SLC39A13: variants seen among roughly 807,000 people sequenced by gnomAD.
The protein encoded by SLC39A13 is solute carrier family 39 member 13.
A neutral mutation model predicts 38.7 loss-of-function variants in SLC39A13; 18 were observed. The observed-to-expected ratio is 0.47, with a 90% confidence interval of 0.32 to 0.69. The LOEUF (loss-of-function observed/expected upper bound fraction) is 0.69. SLC39A13 is among the 30% of genes least tolerant of loss of function. The pLI is 0.03. For synonymous variants in SLC39A13, 212 were observed against 219.1 expected, an observed-to-expected ratio of 0.97 and a Z score of 0.29; for missense variants, 395 against 490.7, an observed-to-expected ratio of 0.80 and a Z score of 1.84.
rs978718912 is a variant in SLC39A13 at position 47,415,801 on chromosome 11, C to T, written c.*438C>T. The T allele has an allele frequency of 5.7e-5, 16 of 279,944 alleles. No homozygotes were observed. Among genetic ancestry groups the T allele is most frequent in the Admixed American group, 1.9e-4 (4 of 21,084 alleles). The allele number at this position is 279,944 out of a possible 1,614,324, so 17.3% of individuals were successfully genotyped here. ...TGCCCCCTCAGCACACACACAGTCC[C>T]CAGGCGGCCTAGGGGCCAAGGCTGG... On this transcript the variant is annotated 3_prime_UTR_variant, in exon 10 of 10. Transcript: ENST00000362021.
chr11:47,412,663 A>T (rs996130017), intron 4 of SLC39A13, among the ~76,000 whole-genome samples, 196 bp downstream of exon 4: 2 of 119,658 alleles, frequency 1.7e-5, no homozygotes, highest in African/African-American at 5.5e-5. Context: ...TGGTAGCCTG[A>T]TGGTGACAGC....
At position 47,414,728 on chromosome 11, in the gene SLC39A13, G is replaced by A. The variant is rs371503640; in HGVS notation, c.787-49G>A. On this transcript the variant is annotated intron_variant, in intron 7 of 9. Coordinates refer to ENST00000362021, the MANE Select transcript of SLC39A13 (RefSeq NM_001128225.3). ...TGTATATCGTACCTGAGCACTCAGG[G>A]CATCAGGCCCCGCTGGGGCGCAGGG... is the stretch of plus-strand genomic sequence containing the variant. 5.1e-5 allele frequency: 81 copies of A among 1,600,326 alleles called. No homozygotes were observed. The East Asian group carries it at 6.9e-4, about 14-fold the overall frequency.
rs1595887884 is a variant in SLC39A13 at position 47,415,508 on chromosome 11, T to A, written c.*145T>A. ...CAGACAGGAGGGAGGTGCGTGTGGA[T>A]GTATGTGGTGTGCACATGTGGCCAG... On this transcript the variant is annotated 3_prime_UTR_variant, in exon 10 of 10. Transcript: ENST00000362021. 1 of 886,658 alleles carries A rather than the reference T, an allele frequency of 1.1e-6. No homozygotes were observed. Among genetic ancestry groups the A allele is most frequent in the East Asian group, 2.6e-5 (1 of 39,136 alleles). 54.9% of individuals were successfully genotyped at this position (886,658 alleles called of 1,614,324 possible).
rs527684138 is a variant in SLC39A13, at chr11:47,414,899, C to T, written c.909C>T (p.Pro303=). 1 of 1,612,380 alleles carries T rather than the reference C, an allele frequency of 6.2e-7. No homozygotes were observed. The highest frequency in any genetic ancestry group is 1.1e-5 in the South Asian group (1 of 91,024). The change falls in exon 8 of 10, where the codon CCC becomes CCT. Residue 303 remains proline (P), a synonymous_variant. Transcript: ENST00000362021. The part of the protein sequence containing the change: ...GAGFAICTQS[P]KGVVGCSPAA... Reference sequence around the variant, plus strand: ...GCTTCGCCATCTGTACCCAGTCCCCCAAGGGAGTAGGTACGGGCGTGGCGG... The same window carrying T: ...GCTTCGCCATCTGTACCCAGTCCCCTAAGGGAGTAGGTACGGGCGTGGCGG...
In SLC39A13 at chr11:47,413,484, G is replaced by C. The variant is rs761253014; in HGVS notation, c.622G>C (p.Gly208Arg). 1 of 1,614,056 alleles carries C rather than the reference G, an allele frequency of 6.2e-7. No homozygotes were observed. The change falls in exon 5 of 10, where the codon GGT becomes CGT. Residue 208 changes from glycine to arginine, a missense_variant. Physicochemically the swap from Gly to Arg is moderately radical, Grantham distance 125 (BLOSUM62 -2). Transcript: ENST00000362021. Reference sequence around the variant, plus strand: ...CCAGCCGGCTGCAGAGCCCGGCCTCGGTGCCGTGGTCCGGAGCATCAAAGT... The same window carrying C: ...CCAGCCGGCTGCAGAGCCCGGCCTCCGTGCCGTGGTCCGGAGCATCAAAGT... Reference protein sequence around the residue: ...LAQPAAEPGLGAVVRSIKVSG... With the variant: ...LAQPAAEPGLRAVVRSIKVSG...
intron 2 of SLC39A13, among the ~76,000 whole-genome samples, chr11:47,411,663 C>T (rs1257267478): frequency 4.6e-5 from 7 of 152,170 alleles, no homozygotes; most frequent in Admixed American, 2.0e-4. Flanking sequence ...ATGGAGAAAC[C>T]GAGTCTCCAA....
At chr11:47,411,889 CCAGT>C (rs749063097) in intron 2 of SLC39A13, 33 bp from the exon 3 acceptor site, 1 of 1,588,272 alleles carries the variant, frequency 6.3e-7, no homozygotes, top group Non-Finnish European at 8.6e-7. Context: ...GGAGCTCCAG[CCAGT>C]CAGCCCCCAG....
Position 47,415,468 on chromosome 11 carries a change from G to T in SLC39A13, c.*105G>T. 1 of 1,304,602 alleles carries T rather than the reference G, an allele frequency of 7.7e-7. No homozygotes were observed. The highest frequency in any genetic ancestry group is 1.1e-6 in the Non-Finnish European group (1 of 911,248). 80.8% of individuals were successfully genotyped at this position (1,304,602 alleles called of 1,614,324 possible). A position where few individuals can be genotyped will look rare whatever the true frequency, so the allele number is the denominator to read the frequency against. ...AGAGAGGGCGAGTGGCTGCGAGAGA[G>T]AATGAGCCTCCCGCCAGACAGGAGG... is the stretch of plus-strand genomic sequence containing the variant. On this transcript the variant is annotated 3_prime_UTR_variant, in exon 10 of 10. Transcript: ENST00000362021.
In SLC39A13 at chr11:47,415,470, ATGAGCC is replaced by A. The variant is rs2096022719; in HGVS notation, c.*109_*114del. 1.6e-6 allele frequency: 2 copies of A among 1,285,012 alleles called. No individual in the cohort carries two copies. Among genetic ancestry groups the A allele is most frequent in the African/African-American group, 2.9e-5 (2 of 68,656 alleles). The allele number at this position is 1,285,012 out of a possible 1,614,324, so 79.6% of individuals were successfully genotyped here. A position where few individuals can be genotyped will look rare whatever the true frequency, so the allele number is the denominator to read the frequency against. On this transcript the variant is annotated 3_prime_UTR_variant, in exon 10 of 10. Coordinates refer to ENST00000362021, the MANE Select transcript of SLC39A13 (RefSeq NM_001128225.3). ...AGAGGGCGAGTGGCTGCGAGAGAGA[ATGAGCC>A]TCCCGCCAGACAGGAGGGAGGTGCG...
At position 47,415,693 on chromosome 11, in the gene SLC39A13, G is replaced by A; in HGVS notation, c.*330G>A. 1 of 430,342 alleles carries A rather than the reference G, an allele frequency of 2.3e-6. No individual in the cohort carries two copies. The highest frequency in any genetic ancestry group is 5.0e-5 in the East Asian group (1 of 19,822). The allele number at this position is 430,342 out of a possible 1,614,324, so 26.7% of individuals were successfully genotyped here. On this transcript the variant is annotated 3_prime_UTR_variant, in exon 10 of 10. Transcript: ENST00000362021. ...AAGAGCAGCACTGGTCCCAAGCAGA[G>A]GCCTTGCCCTGCTGGGACCCCGGGA... is the stretch of plus-strand genomic sequence containing the variant.
chr11:47,412,166 AG>A, intron 3 of SLC39A13, 127 bp downstream of exon 3: 1 of 1,091,958 alleles, frequency 9.2e-7, no homozygotes, highest in Non-Finnish European at 1.3e-6. Context: ...CCTGGGAGGG[AG>A]GGAGGGTCAT....
intron 4 of SLC39A13, among the ~76,000 whole-genome samples, chr11:47,412,758 C>CTTTTT (rs1187342398): frequency 1.0e-4 from 12 of 115,090 alleles, no homozygotes; most frequent in Non-Finnish European, 1.6e-4. Context: ...GGGTTCCTAT[C>CTTTTT]TTTTTTTTTT....
upstream of SLC39A13, among the ~76,000 whole-genome samples, chr11:47,407,871 G>A (rs1247106311): frequency 2.0e-5 from 3 of 152,366 alleles, no homozygotes; most frequent in African/African-American, 7.2e-5. Flanking sequence ...TCTAACCAAA[G>A]AGGTCAGGTC....
At chr11:47,408,749 G>A (rs537708632) in intron 1 of SLC39A13, 87 bp downstream of exon 1, 6 of 152,822 alleles carry the variant, frequency 3.9e-5, no homozygotes, top group Admixed American at 2.0e-4. Flanking sequence ...GTCCTCATCA[G>A]ACCTGGGCCG....
At position 47,415,842 on chromosome 11, in the gene SLC39A13, T is replaced by G; in HGVS notation, c.*479T>G. 3 of 237,668 alleles carry G rather than the reference T, an allele frequency of 1.3e-5. No homozygotes were observed. Among genetic ancestry groups the G allele is most frequent in the South Asian group, 5.4e-5 (1 of 18,548 alleles). The allele number at this position is 237,668 out of a possible 1,614,324, so 14.7% of individuals were successfully genotyped here. A position where few individuals can be genotyped will look rare whatever the true frequency, so the allele number is the denominator to read the frequency against. ...CCAAGGCTGGGGCGGCTTTGGTCCC[T>G]TTTCCTGGCCCTTCCTTCCCCACTT... On this transcript the variant is annotated 3_prime_UTR_variant, in exon 10 of 10. Transcript: ENST00000362021.
chr11:47,415,461 C>A lies in SLC39A13; in HGVS notation c.*98C>A, dbSNP rs1207305789. The A allele has an allele frequency of 2.1e-5, 29 of 1,399,530 alleles. No individual in the cohort carries two copies. The highest frequency in any genetic ancestry group is 2.1e-4 in the East Asian group (9 of 43,760). 86.7% of individuals were successfully genotyped at this position (1,399,530 alleles called of 1,614,324 possible). A position where few individuals can be genotyped will look rare whatever the true frequency, so the allele number is the denominator to read the frequency against. ...GAGAGGCAGAGAGGGCGAGTGGCTG[C>A]GAGAGAGAATGAGCCTCCCGCCAGA... On this transcript the variant is annotated 3_prime_UTR_variant, in exon 10 of 10. Coordinates refer to ENST00000362021, the MANE Select transcript of SLC39A13 (RefSeq NM_001128225.3).
At position 47,412,188 on chromosome 11, in the gene SLC39A13, T is replaced by C. The variant is rs542653161; in HGVS notation, c.415+149T>C. ...GGGAGGGAGGGTCATTGTCCTGGTC[T>C]CTGGGCCCTGGTCCCAGTGGGAGTT... On this transcript the variant is annotated intron_variant, in intron 3 of 9. Coordinates refer to ENST00000362021, the MANE Select transcript of SLC39A13 (RefSeq NM_001128225.3). 249 of 1,289,410 alleles carry C rather than the reference T, an allele frequency of 1.9e-4. No homozygotes were observed. In the African/African-American group the frequency reaches 3.3e-3, roughly 17 times the overall value. The allele number at this position is 1,289,410 out of a possible 1,614,324, so 79.9% of individuals were successfully genotyped here. A position where few individuals can be genotyped will look rare whatever the true frequency, so the allele number is the denominator to read the frequency against.
At position 47,415,664 on chromosome 11, in the gene SLC39A13, G is replaced by C; in HGVS notation, c.*301G>C. On this transcript the variant is annotated 3_prime_UTR_variant, in exon 10 of 10. Transcript: ENST00000362021. ...ACCTTCACCTCCCGGAGTAAGCAGCGAGGAAGAGCAGCACTGGTCCCAAGC... is the reference window on the plus strand; with the variant it reads ...ACCTTCACCTCCCGGAGTAAGCAGCCAGGAAGAGCAGCACTGGTCCCAAGC... 2.0e-6 allele frequency: 1 copy of C among 499,094 alleles called. No individual in the cohort carries two copies. The highest frequency in any genetic ancestry group is 3.7e-6 in the Non-Finnish European group (1 of 269,302). 30.9% of individuals were successfully genotyped at this position (499,094 alleles called of 1,614,324 possible).
chr11:47,409,681 C>T lies in SLC39A13; in HGVS notation c.-8-406C>T, dbSNP rs148443348. 3.6e-4 allele frequency: 81 copies of T among 223,394 alleles called. 1 individual carries two copies. The East Asian group carries it at 8.9e-3, about 25-fold the overall frequency. The allele number at this position is 223,394 out of a possible 1,614,324, so 13.8% of individuals were successfully genotyped here. A position where few individuals can be genotyped will look rare whatever the true frequency, so the allele number is the denominator to read the frequency against. On this transcript the variant is annotated intron_variant, in intron 1 of 9. Transcript: ENST00000362021. The stretch of plus-strand genomic sequence containing the variant: ...TTCCCCACGTATGTCTCTCTGAATC[C>T]ACCCCATCCCCTTAGAAGGGGTGCC...
Sources: allele counts gnomAD v4.1 joint callset (sites outside exome capture counted in the v4.1 genomes callset), GRCh38; gene constraint gnomAD v4.1.1; transcripts MANE v1.5; gene names NCBI Gene and HGNC (gene_info 2026-07-23, HGNC 2026-07-21).